The following PHF12 variants were observed in gnomAD, a reference collection of about 807,000 sequenced individuals.
The protein encoded by PHF12 is PHD finger protein 12.
In PHF12, 6 loss-of-function variants were observed where a neutral mutation model predicts 99.8. The ratio of observed to expected loss-of-function variants is 0.06; its 90% CI spans 0.03 to 0.12. The LOEUF (loss-of-function observed/expected upper bound fraction) is 0.12. PHF12 is among the 10% of genes least tolerant of loss of function. PHF12 has a pLI of 1.00. For missense variants in PHF12, 954 were observed against 1,300.1 expected (o/e 0.73, Z 4.09); for synonymous variants, 480 against 514.9 (o/e 0.93, Z 0.92).
In PHF12 at chr17:28,913,205, A is replaced by C. The variant is rs781077375; in HGVS notation, c.1366T>G (p.Trp456Gly). The C allele has an allele frequency of 1.2e-6, 2 of 1,614,194 alleles. No homozygotes were observed. Among genetic ancestry groups the C allele is most frequent in the Non-Finnish European group, 1.7e-6 (2 of 1,180,040 alleles). Reference protein sequence around the residue: ...HLSAKQMPSHWDSEQTEKADI... With the variant: ...HLSAKQMPSHGDSEQTEKADI... ...GCCTTCTCTGTCTGTTCAGAGTCCCAATGCGAAGGCATCTGCTTAGCAGAT... is the reference window on the plus strand; with the variant it reads ...GCCTTCTCTGTCTGTTCAGAGTCCCCATGCGAAGGCATCTGCTTAGCAGAT... Residue 456 changes from tryptophan (W) to glycine (G), a missense_variant, in exon 9 of 15, where the codon TGG (tryptophan) becomes GGG (glycine). By Grantham distance (184) the Trp-to-Gly change is radical (BLOSUM62 -2). Coordinates refer to ENST00000332830, the MANE Select transcript of PHF12 (RefSeq NM_001033561.2).
chr17:28,938,738 C>T (rs1370165427), intron 2 of PHF12, among the ~76,000 whole-genome samples: 1 of 152,198 alleles, frequency 6.6e-6, no homozygotes, highest in Non-Finnish European at 1.5e-5. Context: ...GCTCCCCACC[C>T]TACAGGACTG....
At position 28,908,839 on chromosome 17, in the gene PHF12, A is replaced by G; in HGVS notation, c.2402T>C (p.Leu801Pro). Reference protein sequence around the residue: ...EVQARAVFYPLLGLGGAVNMC... With the variant: ...EVQARAVFYPPLGLGGAVNMC... ...GTTCACAGCTCCTCCCAACCCTAAG[A>G]GGGGGTAGAACACAGCTCGGGCCTG... Residue 801 changes from leucine (L) to proline (P), a missense_variant, in exon 12 of 15, where the codon CTC (leucine) becomes CCC (proline). Physicochemically the swap from Leu to Pro is moderately conservative, Grantham distance 98. Around this residue, in one of 8 missense-constraint regions of PHF12, gnomAD observed 143 missense variants for 191.8 expected, o/e 0.75. Transcript: ENST00000332830. The G allele has an allele frequency of 6.2e-7, 1 of 1,614,048 alleles. No homozygotes were observed. The highest frequency in any genetic ancestry group is 8.5e-7 in the Non-Finnish European group (1 of 1,179,996).
Position 28,912,972 on chromosome 17 carries a change from A to G in PHF12, c.1599T>C (p.Pro533=). The change falls in exon 9 of 15, where the codon CCT becomes CCC. Residue 533 remains proline (P), a synonymous_variant. Transcript: ENST00000332830. ...SSCAEKSKKT[P]CGTANGPVNT... is the part of the protein sequence containing the mutation. Reference sequence around the variant, plus strand: ...TCACTGGCCCATTGGCAGTCCCACAAGGGGTTTTCTTGGATTTTTCCGCAC... The same window carrying G: ...TCACTGGCCCATTGGCAGTCCCACAGGGGGTTTTCTTGGATTTTTCCGCAC... 2 of 1,614,210 alleles carry G rather than the reference A, an allele frequency of 1.2e-6. No homozygotes were observed. The highest frequency in any genetic ancestry group is 1.7e-6 in the Non-Finnish European group (2 of 1,180,034).
intron 7 of PHF12, among the ~76,000 whole-genome samples, chr17:28,916,872 T>C (rs949020954): frequency 6.6e-6 from 1 of 152,258 alleles, no homozygotes; most frequent in African/African-American, 2.4e-5. Flanking sequence ...CTTAAGTTCC[T>C]GAGCTGGGAT....
At chr17:28,911,660 G>A (rs1210617323) in intron 9 of PHF12, among the ~76,000 whole-genome samples, 1 of 152,232 alleles carries the variant, frequency 6.6e-6, no homozygotes, top group East Asian at 1.9e-4. Context: ...CAGCCTGGGA[G>A]CGGGGCCATC....
Position 28,950,206 on chromosome 17 carries a change from G to C in PHF12, c.107C>G (p.Ala36Gly). The stretch of plus-strand genomic sequence containing the variant: ...CTCAGGCTTCCGACTGCGCTTTTCT[G>C]CCTCGTCCGTCTTGGGGGGAGCCAG... Reference protein sequence around the residue: ...ALLAPPKTDEAEKRSRKPEKE... With the variant: ...ALLAPPKTDEGEKRSRKPEKE... The change falls in exon 2 of 15, where the codon GCA (alanine) becomes GGA (glycine). Residue 36 changes from alanine (A) to glycine (G), a missense_variant. Ala to Gly is a moderately conservative substitution (Grantham distance 60, BLOSUM62 0). Around this residue, in one of 8 missense-constraint regions of PHF12, gnomAD observed 66 missense variants for 69.4 expected, o/e 0.95. Transcript: ENST00000332830. This position sits in a 1 kb window ranked among gnomAD's most constrained non-coding sequence, Gnocchi z 5.7. The C allele has an allele frequency of 6.2e-7, 1 of 1,612,732 alleles. No homozygotes were observed. The highest frequency in any genetic ancestry group is 1.3e-5 in the African/African-American group (1 of 74,988).
At chr17:28,946,397 C>T (rs761860877) in intron 2 of PHF12, among the ~76,000 whole-genome samples, 7 of 152,190 alleles carry the variant, frequency 4.6e-5, no homozygotes, top group South Asian at 2.1e-4. Flanking sequence ...GAAGAGATGA[C>T]GTGCCTCATA....
rs61203588 is a variant in PHF12, at chr17:28,914,671, C to CAAAAAAAAAA, written c.1135-644_1135-635dup. Among the ~76,000 whole-genome samples, 23 of 30,344 alleles carry CAAAAAAAAAA rather than the reference C, an allele frequency of 7.6e-4. 2 individuals are homozygous for CAAAAAAAAAA. Among genetic ancestry groups the CAAAAAAAAAA allele is most frequent in the East Asian group, 6.4e-3 (4 of 622 alleles). The allele number at this position is 30,344 out of a possible 152,430, so 19.9% of individuals were successfully genotyped here. A position where few individuals can be genotyped will look rare whatever the true frequency, so the allele number is the denominator to read the frequency against. ...TGGGTGAAAGAGCGAGACTCCGTCT[C>CAAAAAAAAAA]AAAAAAAAAAAAAAAAAAAAAAAAA... On this transcript the variant is annotated intron_variant, in intron 7 of 14. Coordinates refer to ENST00000332830, the MANE Select transcript of PHF12 (RefSeq NM_001033561.2).
intron 7 of PHF12, among the ~76,000 whole-genome samples, chr17:28,916,211 T>G (rs912606023): frequency 2.0e-4 from 30 of 152,228 alleles, no homozygotes; most frequent in Non-Finnish European, 8.8e-5. Flanking sequence ...CCTTTTTTTT[T>G]GAGACAGAGT....
rs921967862 is a variant in PHF12, at chr17:28,924,302, T to C, written c.322A>G (p.Lys108Glu). Residue 108 changes from lysine to glutamate, a missense_variant and splice_region_variant, in exon 4 of 15, where the codon AAA becomes GAA. Physicochemically the swap from Lys to Glu is moderately conservative, Grantham distance 56. Coordinates refer to ENST00000332830, the MANE Select transcript of PHF12 (RefSeq NM_001033561.2). Reference protein sequence around the residue: ...MCHRCTVRRKKREQKKELGHV... With the variant: ...MCHRCTVRRKEREQKKELGHV... ...CCCAGCTCCTTTTTCTGCTCTCGTTTCTGTGCAAATGAACAGGTGGGCCCA... is the reference window on the plus strand; with the variant it reads ...CCCAGCTCCTTTTTCTGCTCTCGTTCCTGTGCAAATGAACAGGTGGGCCCA... 1.2e-6 allele frequency: 2 copies of C among 1,614,220 alleles called. No individual in the cohort carries two copies. Among genetic ancestry groups the C allele is most frequent in the African/African-American group, 2.7e-5 (2 of 75,050 alleles).
intron 13 of PHF12, chr17:28,907,302 G>T: frequency 1.9e-6 from 1 of 519,120 alleles, no homozygotes; most frequent in Non-Finnish European, 3.4e-6. Flanking sequence ...ACAAGGCTTG[G>T]CTTCCTTCTA....
chr17:28,921,732 A>C lies in PHF12; in HGVS notation c.792T>G (p.Asn264Lys). The change falls in exon 5 of 15, where the codon AAT becomes AAG. Residue 264 changes from asparagine to lysine, a missense_variant. Around this residue, in one of 8 missense-constraint regions of PHF12, gnomAD observed 85 missense variants for 196.6 expected, o/e 0.43. Transcript: ENST00000332830. Reference sequence around the variant, plus strand: ...CTTTGACGGGTAAGGGAACGAGACCATTGTGATCTAATTCATGCTGTGTCT... The same window carrying C: ...CTTTGACGGGTAAGGGAACGAGACCCTTGTGATCTAATTCATGCTGTGTCT... ...VKKTQHELDHNGLVPLPVKVC... is the reference protein window; with the variant it reads ...VKKTQHELDHKGLVPLPVKVC... 1 of 1,614,104 alleles carries C rather than the reference A, an allele frequency of 6.2e-7. No individual in the cohort carries two copies. Among genetic ancestry groups the C allele is most frequent in the Non-Finnish European group, 8.5e-7 (1 of 1,179,968 alleles).
intron 4 of PHF12, among the ~76,000 whole-genome samples, chr17:28,922,753 G>GT (rs1158402626): frequency 6.6e-6 from 1 of 151,946 alleles, no homozygotes; most frequent in Non-Finnish European, 1.5e-5. Flanking sequence ...AAATTATGAC[G>GT]TATCTGTACA....
Position 28,906,220 on chromosome 17 carries a change from T to C in PHF12, c.2978A>G (p.His993Arg). 3 of 1,610,062 alleles carry C rather than the reference T, an allele frequency of 1.9e-6. No homozygotes were observed. Among genetic ancestry groups the C allele is most frequent in the Non-Finnish European group, 2.5e-6 (3 of 1,177,062 alleles). Residue 993 changes from histidine to arginine, a missense_variant, in exon 15 of 15, where the codon CAC becomes CGC. His to Arg is a conservative substitution (Grantham distance 29). Transcript: ENST00000332830. The surrounding 1 kb of genome is among the most constrained non-coding windows in gnomAD (Gnocchi z 4.2). ...GTTGGAGCGCAGCACAGGGCCCTGG[T>C]GGGGCTTGAGAGAGAGCTTCTCGGC... is the stretch of plus-strand genomic sequence containing the variant. Reference protein sequence around the residue: ...VLAEKLSLKPHQGPVLRSNSV... With the variant: ...VLAEKLSLKPRQGPVLRSNSV...
intron 2 of PHF12, among the ~76,000 whole-genome samples, chr17:28,943,089 C>G (rs1258948496): frequency 1.3e-5 from 2 of 152,188 alleles, no homozygotes; most frequent in Non-Finnish European, 2.9e-5. Flanking sequence ...TCAGGGAAAT[C>G]TGATTCAAAA....
At chr17:28,938,812 G>A (rs1005192708) in intron 2 of PHF12, among the ~76,000 whole-genome samples, 1 of 152,154 alleles carries the variant, frequency 6.6e-6, no homozygotes, top group African/African-American at 2.4e-5. Flanking sequence ...GCTAAGTGCT[G>A]ACTTGGGCTT....
At chr17:28,909,579 A>T (rs1037878138) in intron 11 of PHF12, 1 of 152,914 alleles carries the variant, frequency 6.5e-6, no homozygotes, top group Non-Finnish European at 1.5e-5. Flanking sequence ...TCTTTTTAAA[A>T]TTTTATTTAT....
chr17:28,906,775 G>A lies in PHF12; in HGVS notation c.2680+81C>T. ...TTGGCCAATAGGACTGGGAAGGCAAGAGACAGACCATGGGCAGCAAGTCAG... is the reference window on the plus strand; with the variant it reads ...TTGGCCAATAGGACTGGGAAGGCAAAAGACAGACCATGGGCAGCAAGTCAG... On this transcript the variant is annotated intron_variant, in intron 14 of 14. Transcript: ENST00000332830. The surrounding 1 kb of genome is among the most constrained non-coding windows in gnomAD (Gnocchi z 4.2). The A allele has an allele frequency of 6.6e-7, 1 of 1,511,168 alleles. No homozygotes were observed. The highest frequency in any genetic ancestry group is 8.9e-7 in the Non-Finnish European group (1 of 1,120,652). 93.6% of individuals were successfully genotyped at this position (1,511,168 alleles called of 1,614,324 possible).
At chr17:28,938,525 G>A (rs1290432417) in intron 2 of PHF12, among the ~76,000 whole-genome samples, 2 of 152,072 alleles carry the variant, frequency 1.3e-5, no homozygotes, top group East Asian at 1.9e-4. Flanking sequence ...ACCGCACCCA[G>A]CCTGAGAGCA....
Sources: allele counts gnomAD v4.1 joint callset (sites outside exome capture counted in the v4.1 genomes callset), GRCh38; gene constraint gnomAD v4.1.1; regional missense constraint gnomAD v4.1.1; non-coding constraint Gnocchi (gnomAD v3.1); transcripts MANE v1.5; gene names NCBI Gene and HGNC (gene_info 2026-07-23, HGNC 2026-07-21).